The following CENPQ variants were observed in gnomAD, a reference collection of about 807,000 sequenced individuals.
CENPQ encodes the protein centromere protein Q.
In CENPQ, 27 loss-of-function variants were observed where a neutral mutation model predicts 36.6. That is an observed-to-expected ratio of 0.74 (90% CI 0.54 to 1.02). The LOEUF (loss-of-function observed/expected upper bound fraction) is 1.02. Among genes scored for constraint, CENPQ ranks in the 50% least tolerant of loss-of-function variants. The probability of loss-of-function intolerance (pLI) is 0.00; values close to 1 mark genes in which losing one functional copy is unlikely to be tolerated. For synonymous variants in CENPQ, 101 were observed against 101.7 expected (o/e 0.99, Z 0.04); for missense variants, 306 against 301.8 (o/e 1.01, Z -0.10).
At position 49,471,964 on chromosome 6, in the gene CENPQ, A is replaced by T. The variant is rs563357272; in HGVS notation, c.158-99A>T. 233 of 1,332,864 alleles carry T rather than the reference A, an allele frequency of 1.7e-4. 2 individuals carry two copies. In the South Asian group the frequency reaches 2.3e-3, roughly 13 times the overall value. The allele number at this position is 1,332,864 out of a possible 1,614,324, so 82.6% of individuals were successfully genotyped here. On this transcript the variant is annotated intron_variant, in intron 3 of 8. Coordinates refer to ENST00000335783, the MANE Select transcript of CENPQ (RefSeq NM_018132.4). ...TACAGCTTTATAATATTTTGTTCTGATAATTTCATAAGCTTTTTTAGATGA... is the reference window on the plus strand; with the variant it reads ...TACAGCTTTATAATATTTTGTTCTGTTAATTTCATAAGCTTTTTTAGATGA...
rs180762351 is a variant in CENPQ at position 49,477,144 on chromosome 6, A to G, written c.348-3807A>G. 2.9e-3 allele frequency among the ~76,000 whole-genome samples: 438 copies of G among 152,292 alleles called. 1 individual carries two copies. Among genetic ancestry groups the G allele is most frequent in the African/African-American group, 6.8e-3 (284 of 41,554 alleles). On this transcript the variant is annotated intron_variant, in intron 5 of 8. Transcript: ENST00000335783. ...ATGTGTGTTTACTGCGGCACTATTC[A>G]CAATAGCAAAGACTTGGAACCAACC... is the stretch of plus-strand genomic sequence containing the variant.
intron 3 of CENPQ, among the ~76,000 whole-genome samples, 180 bp from the exon 4 acceptor site, chr6:49,471,883 A>G (rs1436322300): frequency 6.6e-6 from 1 of 152,226 alleles, no homozygotes; most frequent in Non-Finnish European, 1.5e-5. Context: ...AAGCATATTC[A>G]TATTCAACAC....
intron 4 of CENPQ, 120 bp from the exon 5 acceptor site, chr6:49,472,670 T>G (rs1768170069): frequency 1.5e-6 from 1 of 667,262 alleles, no homozygotes. Flanking sequence ...AAAGGAAAAG[T>G]GATTGATTTT....
chr6:49,467,547 G>A (rs1244561611), intron 1 of CENPQ, among the ~76,000 whole-genome samples: 1 of 152,136 alleles, frequency 6.6e-6, no homozygotes, highest in Non-Finnish European at 1.5e-5. Context: ...GCAAAGACAA[G>A]GCTAATTATT....
Position 49,470,153 on chromosome 6 carries a change from TCG to T in CENPQ, c.-18-5_-18-4del. ...TCATCTTTACAGATTTTTTTTTTTT[TCG>T]AAGCACTGTGTTTAGATCAAGATGT... On this transcript the variant is annotated splice_polypyrimidine_tract_variant and splice_region_variant and intron_variant, in intron 1 of 8. Coordinates refer to ENST00000335783, the MANE Select transcript of CENPQ (RefSeq NM_018132.4). 4 of 1,193,866 alleles carry T rather than the reference TCG, an allele frequency of 3.4e-6. No homozygotes were observed. Among genetic ancestry groups the T allele is most frequent in the Admixed American group, 2.3e-5 (1 of 43,968 alleles). The allele number at this position is 1,193,866 out of a possible 1,614,324, so 74.0% of individuals were successfully genotyped here. A position where few individuals can be genotyped will look rare whatever the true frequency, so the allele number is the denominator to read the frequency against.
intron 5 of CENPQ, among the ~76,000 whole-genome samples, chr6:49,476,619 C>T (rs1161148244): frequency 6.6e-6 from 1 of 152,104 alleles, no homozygotes; most frequent in Non-Finnish European, 1.5e-5. Context: ...AAGAAACTAC[C>T]ATCAGAGTGA....
chr6:49,486,686 G>A (rs966589761), intron 6 of CENPQ, among the ~76,000 whole-genome samples: 1 of 151,998 alleles, frequency 6.6e-6, no homozygotes, highest in African/African-American at 2.4e-5. Flanking sequence ...TGATATTAAG[G>A]AATTTATTGA....
intron 1 of CENPQ, among the ~76,000 whole-genome samples, chr6:49,464,170 A>G (rs1406027406): frequency 6.6e-6 from 1 of 152,216 alleles, no homozygotes; most frequent in Non-Finnish European, 1.5e-5. Context: ...GTTCCAGACC[A>G]ATAAAGCCTG....
rs754931801 is a variant in CENPQ, at chr6:49,472,907, C to A, written c.347+49C>A. ...TGATTAAAACATAATTTTTAAAAAC[C>A]TGACTTCTTTCTATGTTGCCAAATA... On this transcript the variant is annotated intron_variant, in intron 5 of 8. Transcript: ENST00000335783. The A allele has an allele frequency of 8.3e-6, 10 of 1,205,554 alleles. No homozygotes were observed. The African/African-American group carries it at 1.3e-4, about 15-fold the overall frequency. The allele number at this position is 1,205,554 out of a possible 1,614,324, so 74.7% of individuals were successfully genotyped here.
chr6:49,470,333 ATGG>A, intron 2 of CENPQ, 55 bp downstream of exon 2: 1 of 1,122,556 alleles, frequency 8.9e-7, no homozygotes, highest in Non-Finnish European at 1.3e-6. Flanking sequence ...GCCAAGCACT[ATGG>A]CTCATGCCTG....
chr6:49,470,257 A>C lies in CENPQ; in HGVS notation c.81A>C (p.Glu27Asp). 1 of 1,599,084 alleles carries C rather than the reference A, an allele frequency of 6.3e-7. No individual in the cohort carries two copies. Among genetic ancestry groups the C allele is most frequent in the Non-Finnish European group, 8.6e-7 (1 of 1,168,842 alleles). Reference protein sequence around the residue: ...RNPKRKKDNEEVVLSENKVRN... With the variant: ...RNPKRKKDNEDVVLSENKVRN... Reference sequence around the variant, plus strand: ...CAAAGAGAAAAAAGGATAATGAGGAAGTTGTGTTGTCAGAGAATAAGGTAA... The same window carrying C: ...CAAAGAGAAAAAAGGATAATGAGGACGTTGTGTTGTCAGAGAATAAGGTAA... The change falls in exon 2 of 9, where the codon GAA (glutamate) becomes GAC (aspartate). Residue 27 changes from glutamate (E) to aspartate (D), a missense_variant. Glu to Asp is a conservative substitution (Grantham distance 45, BLOSUM62 2). Transcript: ENST00000335783.
intron 8 of CENPQ, among the ~76,000 whole-genome samples, chr6:49,491,925 A>AAAAC (rs921806596): frequency 1.3e-5 from 2 of 152,186 alleles, no homozygotes; most frequent in Admixed American, 6.5e-5. Flanking sequence ...CAAAAAAACA[A>AAAAC]AAACAAACAA....
chr6:49,472,903 A>G (rs751354871), intron 5 of CENPQ, 45 bp downstream of exon 5: 2 of 1,221,942 alleles, frequency 1.6e-6, no homozygotes, highest in Non-Finnish European at 2.2e-6. Flanking sequence ...TAATTTTTAA[A>G]AACCTGACTT....
chr6:49,471,054 A>T, intron 3 of CENPQ, 26 bp downstream of exon 3: 1 of 1,378,004 alleles, frequency 7.3e-7, no homozygotes, highest in Non-Finnish European at 9.8e-7. Flanking sequence ...TACCTTGTTT[A>T]ACCTGCTTCT....
chr6:49,490,683 G>A (rs1027399427), intron 8 of CENPQ, among the ~76,000 whole-genome samples: 1 of 152,192 alleles, frequency 6.6e-6, no homozygotes, highest in Non-Finnish European at 1.5e-5. Flanking sequence ...TAAAGTAAGA[G>A]ACATGATTCT....
At chr6:49,475,373 AC>A (rs1284042785) in intron 5 of CENPQ, among the ~76,000 whole-genome samples, 3 of 152,078 alleles carry the variant, frequency 2.0e-5, no homozygotes, top group South Asian at 2.1e-4. Flanking sequence ...AAATTCAACA[AC>A]CCTTCATGCT....
intron 6 of CENPQ, among the ~76,000 whole-genome samples, chr6:49,486,713 A>G (rs749749513): frequency 2.6e-5 from 4 of 152,182 alleles, no homozygotes; most frequent in Non-Finnish European, 5.9e-5. Flanking sequence ...TTTAAAGTGT[A>G]GTAATGATAT....
chr6:49,465,574 A>G (rs1237932710), intron 1 of CENPQ, among the ~76,000 whole-genome samples: 2 of 152,248 alleles, frequency 1.3e-5, no homozygotes, highest in African/African-American at 4.8e-5. Context: ...CTAGAACTGG[A>G]TAACTTGCTG....
chr6:49,489,207 A>G (rs995542898), intron 8 of CENPQ, among the ~76,000 whole-genome samples: 1 of 152,190 alleles, frequency 6.6e-6, no homozygotes, highest in African/African-American at 2.4e-5. Flanking sequence ...TCCTTGTCAC[A>G]GCTTTGTCAG....
Sources: gnomAD v4.1 joint callset for allele counts (sites outside exome capture counted in the v4.1 genomes callset) on GRCh38, gnomAD v4.1.1 for gene constraint, MANE v1.5 for transcripts, NCBI Gene and HGNC (gene_info 2026-07-23, HGNC 2026-07-21) for gene names.